TBC1D10A: variants seen among roughly 807,000 people sequenced by gnomAD.
The protein encoded by TBC1D10A is EBP50-PDX interactor of 64 kDa.
In TBC1D10A, 24 loss-of-function variants were observed where a neutral mutation model predicts 52.9. The observed-to-expected ratio is 0.45, with a 90% CI of 0.33 to 0.64. The LOEUF (loss-of-function observed/expected upper bound fraction) is 0.64, where lower values mean the gene tolerates loss of function less well. Among genes scored for constraint, TBC1D10A ranks in the 30% least tolerant of loss-of-function variants. TBC1D10A has a pLI of 0.02. For synonymous variants in TBC1D10A, 278 were observed against 282.9 expected (o/e 0.98, Z 0.17); for missense variants, 602 against 687.9 (o/e 0.88, Z 1.40).
chr22:30,310,991 G>C (rs565253101), intron 1 of TBC1D10A, among the ~76,000 whole-genome samples: 1 of 152,212 alleles, frequency 6.6e-6, no homozygotes, highest in Non-Finnish European at 1.5e-5. Context: ...CCACCAAAGT[G>C]TGGAAAATTG....
At chr22:30,296,087 T>C (rs1930074774) in intron 3 of TBC1D10A, 4 of 524,544 alleles carry the variant, frequency 7.6e-6, no homozygotes, top group South Asian at 2.1e-5. Flanking sequence ...GGAAGACCGA[T>C]GAGGGCAAGA....
intron 2 of TBC1D10A, among the ~76,000 whole-genome samples, chr22:30,301,520 CA>C (rs1163685968): frequency 1.6e-4 from 24 of 152,280 alleles, no homozygotes; most frequent in African/African-American, 5.8e-4. Context: ...GGGCCTGACA[CA>C]GTCTGTGTTC....
At chr22:30,323,869 G>A (rs1930710155) in intron 1 of TBC1D10A, among the ~76,000 whole-genome samples, 2 of 152,164 alleles carry the variant, frequency 1.3e-5, no homozygotes, top group African/African-American at 2.4e-5. Flanking sequence ...TACTCAGGAG[G>A]CTGAGACAGG....
chr22:30,304,622 T>C lies in TBC1D10A; in HGVS notation c.218A>G (p.Glu73Gly). 6.2e-7 allele frequency: 1 copy of C among 1,613,970 alleles called. No homozygotes were observed. Among genetic ancestry groups the C allele is most frequent in the Non-Finnish European group, 8.5e-7 (1 of 1,179,938 alleles). The change falls in exon 2 of 9, where the codon GAA becomes GGA. Residue 73 changes from glutamate to glycine, a missense_variant. Transcript: ENST00000215790. ...GSQGAEGALE[E>G]VPLEVLRQRE... is the part of the protein sequence containing the mutation. Reference sequence around the variant, plus strand: ...CTGCCTCAGCACCTCCAGGGGTACTTCCTCCAGCCTGTGGAGCAGAGGGCA... The same window carrying C: ...CTGCCTCAGCACCTCCAGGGGTACTCCCTCCAGCCTGTGGAGCAGAGGGCA...
At chr22:30,293,215 A>T in intron 8 of TBC1D10A, 1 of 626,980 alleles carries the variant, frequency 1.6e-6, no homozygotes, top group Non-Finnish European at 3.0e-6. Flanking sequence ...TTCCAGCTCC[A>T]CCTGGGTGGG....
At chr22:30,317,802 G>A (rs1930569905) in intron 1 of TBC1D10A, among the ~76,000 whole-genome samples, 1 of 152,166 alleles carries the variant, frequency 6.6e-6, no homozygotes, top group South Asian at 2.1e-4. Flanking sequence ...TCACTATGTT[G>A]ACCAGACTGG....
intron 1 of TBC1D10A, among the ~76,000 whole-genome samples, chr22:30,315,703 GA>G (rs1226545175): frequency 1.3e-5 from 2 of 152,212 alleles, no homozygotes; most frequent in Admixed American, 6.5e-5. Context: ...GGAGTTCTCC[GA>G]ACTTATGCTC....
Position 30,326,678 on chromosome 22 carries a change from C to G in TBC1D10A, c.204G>C (p.Glu68Asp), listed in dbSNP as rs761801629. 1 of 1,551,888 alleles carries G rather than the reference C, an allele frequency of 6.4e-7. No individual in the cohort carries two copies. The highest frequency in any genetic ancestry group is 8.7e-7 in the Non-Finnish European group (1 of 1,149,204). Residue 68 changes from glutamate (E) to aspartate (D), a missense_variant, in exon 1 of 9, where the codon GAG becomes GAC. This residue lies in a region of TBC1D10A where 201 missense variants were observed against 204.4 expected (regional missense o/e 0.98). Transcript: ENST00000215790. ...CGACCCCCGGCGCTACTCACGCGCCCTCGGCGCCCTGCGAGCCCACGATGA... is the reference window on the plus strand; with the variant it reads ...CGACCCCCGGCGCTACTCACGCGCCGTCGGCGCCCTGCGAGCCCACGATGA... ...FGFIVGSQGA[E>D]GALEEVPLEV...
chr22:30,321,012 C>G (rs1206290654), intron 1 of TBC1D10A, among the ~76,000 whole-genome samples: 1 of 152,324 alleles, frequency 6.6e-6, no homozygotes, highest in Admixed American at 6.5e-5. Flanking sequence ...CTTGGGAGGT[C>G]CTGTTTCAGG....
intron 1 of TBC1D10A, among the ~76,000 whole-genome samples, chr22:30,315,795 C>T (rs1394709499): frequency 6.6e-6 from 1 of 152,154 alleles, no homozygotes; most frequent in African/African-American, 2.4e-5. Flanking sequence ...AGTCCTGGGA[C>T]AGGAATTGTG....
At chr22:30,315,159 T>C (rs1930509207) in intron 1 of TBC1D10A, among the ~76,000 whole-genome samples, 1 of 152,138 alleles carries the variant, frequency 6.6e-6, no homozygotes, top group African/African-American at 2.4e-5. Context: ...TGGGACTGGC[T>C]CCTGCCTAAC....
chr22:30,324,500 C>T (rs538047426), intron 1 of TBC1D10A, among the ~76,000 whole-genome samples: 5 of 152,272 alleles, frequency 3.3e-5, no homozygotes, highest in African/African-American at 1.2e-4. Context: ...TCTGCAGAGC[C>T]ACATCCCGGG....
At chr22:30,304,826 C>CGGTG (rs1262315363) in intron 1 of TBC1D10A, among the ~76,000 whole-genome samples, 196 bp from the exon 2 acceptor site, 2 of 152,238 alleles carry the variant, frequency 1.3e-5, no homozygotes, top group Non-Finnish European at 2.9e-5. Context: ...CGCCTCAAGG[C>CGGTG]ATAAGCTAGA....
intron 1 of TBC1D10A, among the ~76,000 whole-genome samples, chr22:30,315,926 C>T (rs537740486): frequency 6.6e-6 from 1 of 152,182 alleles, no homozygotes; most frequent in Non-Finnish European, 1.5e-5. Context: ...GGAGAGGCCA[C>T]ACAGTGGTCA....
Position 30,326,741 on chromosome 22 carries a change from G to A in TBC1D10A, c.141C>T (p.Ala47=). ...ELSSLGSDSE[A]NGFAERRIDK... The stretch of plus-strand genomic sequence containing the variant: ...CGATGCGGCGCTCGGCGAAGCCGTT[G>A]GCCTCCGAGTCAGACCCGAGAGAGC... Residue 47 remains alanine, a synonymous_variant, in exon 1 of 9, where the codon GCC becomes GCT. Transcript: ENST00000215790. The A allele has an allele frequency of 6.5e-7, 1 of 1,542,160 alleles. No homozygotes were observed.
chr22:30,322,483 A>G (rs1226992849), intron 1 of TBC1D10A, among the ~76,000 whole-genome samples: 1 of 152,018 alleles, frequency 6.6e-6, no homozygotes, highest in Non-Finnish European at 1.5e-5. Flanking sequence ...AAGACAGACA[A>G]GGTGAAGAAA....
At chr22:30,294,181 C>G in intron 6 of TBC1D10A, 71 bp from the exon 7 acceptor site, 4 of 1,478,214 alleles carry the variant, frequency 2.7e-6, no homozygotes, top group Non-Finnish European at 3.7e-6. Context: ...TACACCCCAG[C>G]ACCCAGCACC....
intron 1 of TBC1D10A, among the ~76,000 whole-genome samples, chr22:30,324,526 T>C (rs1204843693): frequency 6.6e-6 from 1 of 151,956 alleles, no homozygotes. Context: ...GGTTGTGGGG[T>C]AAGAAAGACA....
intron 1 of TBC1D10A, among the ~76,000 whole-genome samples, chr22:30,324,027 T>G (rs1443257084): frequency 6.6e-6 from 1 of 152,102 alleles, no homozygotes; most frequent in Non-Finnish European, 1.5e-5. Flanking sequence ...ACTCATGCCA[T>G]GTAGCTAATA....
Sources: allele counts gnomAD v4.1 joint callset (sites outside exome capture counted in the v4.1 genomes callset), GRCh38; gene constraint gnomAD v4.1.1; regional missense constraint gnomAD v4.1.1; transcripts MANE v1.5; gene names NCBI Gene and HGNC (gene_info 2026-07-23, HGNC 2026-07-21).